Variants in SYT6 observed in about 807,000 individuals in gnomAD.
SYT6 encodes synaptotagmin 6.
A neutral mutation model predicts 38.4 loss-of-function variants in SYT6; 24 were observed. The observed-to-expected ratio is 0.62, with a 90% CI of 0.45 to 0.88. The LOEUF (loss-of-function observed/expected upper bound fraction) is 0.88. Ranked by LOEUF, SYT6 falls within the 40% of genes least tolerant of loss-of-function variation. SYT6 has a pLI of 0.00. For missense variants in SYT6, 611 were observed against 621.0 expected, an observed-to-expected ratio of 0.98 and a Z score of 0.17; for synonymous variants, 265 against 241.9, an observed-to-expected ratio of 1.10 and a Z score of -0.89.
chr1:114,117,408 C>T (rs531024703), intron 3 of SYT6, among the ~76,000 whole-genome samples: 24 of 152,342 alleles, frequency 1.6e-4, no homozygotes, highest in Non-Finnish European at 2.6e-4. Context: ...GTGCAGTCCC[C>T]ACTGCCTGCC....
At chr1:114,130,496 C>T (rs985118199) in intron 3 of SYT6, among the ~76,000 whole-genome samples, 1 of 152,150 alleles carries the variant, frequency 6.6e-6, no homozygotes, top group Non-Finnish European at 1.5e-5. Context: ...TGGCTGTGGG[C>T]GTTCCCCAAA....
intron 3 of SYT6, among the ~76,000 whole-genome samples, chr1:114,113,702 T>C (rs577571363): frequency 6.6e-6 from 1 of 152,130 alleles, no homozygotes; most frequent in Non-Finnish European, 1.5e-5. Flanking sequence ...CCATCTCCAG[T>C]GCCACACGGA....
At chr1:114,132,928 A>T (rs1276708275) in intron 3 of SYT6, among the ~76,000 whole-genome samples, 1 of 152,220 alleles carries the variant, frequency 6.6e-6, no homozygotes, top group African/African-American at 2.4e-5. Context: ...AAAGCTAGAA[A>T]GTAAGGAAGC....
At chr1:114,132,230 G>A (rs1678201537) in intron 3 of SYT6, among the ~76,000 whole-genome samples, 1 of 152,234 alleles carries the variant, frequency 6.6e-6, no homozygotes, top group African/African-American at 2.4e-5. Context: ...AGATGGAAGG[G>A]AGGGAGCTGA....
intron 3 of SYT6, among the ~76,000 whole-genome samples, chr1:114,130,859 C>G (rs1000645285): frequency 6.6e-6 from 1 of 152,182 alleles, no homozygotes; most frequent in Admixed American, 6.5e-5. Context: ...ATGGACACTT[C>G]GAAGGCGTTG....
chr1:114,145,665 T>C (rs556260351), intron 1 of SYT6, among the ~76,000 whole-genome samples: 134 of 152,324 alleles, frequency 8.8e-4, no homozygotes, highest in African/African-American at 3.1e-3. Flanking sequence ...CCTTCACATC[T>C]GTTCTCTGTT....
At chr1:114,139,397 C>T (rs1041620291) in intron 2 of SYT6, among the ~76,000 whole-genome samples, 3 of 152,214 alleles carry the variant, frequency 2.0e-5, no homozygotes, top group African/African-American at 4.8e-5. Context: ...ACCACATATA[C>T]AGCAACCCGC....
intron 3 of SYT6, among the ~76,000 whole-genome samples, chr1:114,107,225 G>A (rs1388250732): frequency 4.6e-5 from 7 of 152,186 alleles, no homozygotes; most frequent in Non-Finnish European, 8.8e-5. Flanking sequence ...GGGGTCCCTC[G>A]GGGTAAACAG....
At chr1:114,126,842 G>A (rs928959302) in intron 3 of SYT6, among the ~76,000 whole-genome samples, 1 of 152,224 alleles carries the variant, frequency 6.6e-6, no homozygotes, top group East Asian at 1.9e-4. Flanking sequence ...CAGGGCTGCG[G>A]TCTGGTTGCC....
intron 3 of SYT6, among the ~76,000 whole-genome samples, chr1:114,114,968 C>T (rs1022449335): frequency 6.6e-6 from 1 of 152,206 alleles, no homozygotes; most frequent in Non-Finnish European, 1.5e-5. Flanking sequence ...CCACATGGCA[C>T]ACTGGGTATA....
At chr1:114,112,137 TC>T (rs1676723220) in intron 3 of SYT6, among the ~76,000 whole-genome samples, 1 of 152,276 alleles carries the variant, frequency 6.6e-6, no homozygotes, top group African/African-American at 2.4e-5. Context: ...GAATAAATGA[TC>T]AACCAGAATT....
chr1:114,101,060 A>ATT (rs146708184), intron 4 of SYT6, among the ~76,000 whole-genome samples: 3 of 150,938 alleles, frequency 2.0e-5, no homozygotes, highest in African/African-American at 7.3e-5. Flanking sequence ...AGGCATATCC[A>ATT]TTTTTTTTTA....
At chr1:114,146,848 C>T (rs1679181537) in intron 1 of SYT6, among the ~76,000 whole-genome samples, 1 of 152,210 alleles carries the variant, frequency 6.6e-6, no homozygotes, top group East Asian at 1.9e-4. Context: ...TCAGTTTCCT[C>T]ATCTATAAAT....
At chr1:114,104,832 T>C (rs2629815) in intron 3 of SYT6, among the ~76,000 whole-genome samples, 65,001 of 151,914 alleles carry the variant, frequency 0.43, 14,174 homozygotes, top group African/African-American at 0.47. Flanking sequence ...TTAAAAAAAA[T>C]TCCACCTTTT....
chr1:114,139,825 G>A lies in SYT6; in HGVS notation c.302C>T (p.Pro101Leu), dbSNP rs1678754657. ...KEASSPSSAN[P>L]PLEALQSPSF... is the part of the protein sequence containing the mutation. ...GGGGCTCTGGAGGGCTTCCAAGGGGGGATTAGCAGAAGAGGGACTGGAGGC... is the reference window on the plus strand; with the variant it reads ...GGGGCTCTGGAGGGCTTCCAAGGGGAGATTAGCAGAAGAGGGACTGGAGGC... Residue 101 changes from proline to leucine, a missense_variant, in exon 2 of 8, where the codon CCC becomes CTC. Coordinates refer to ENST00000610222, the MANE Select transcript of SYT6 (RefSeq NM_001253772.2). 1 of 1,601,374 alleles carries A rather than the reference G, an allele frequency of 6.2e-7. No homozygotes were observed. The highest frequency in any genetic ancestry group is 2.2e-5 in the East Asian group (1 of 44,736).
intron 3 of SYT6, among the ~76,000 whole-genome samples, chr1:114,129,824 G>T (rs1416142123): frequency 7.0e-6 from 1 of 143,786 alleles, no homozygotes; most frequent in African/African-American, 2.6e-5. Context: ...TTACAGGCAT[G>T]CACCACCACA....
rs774979194 is a variant in SYT6 at position 114,137,480 on chromosome 1, C to T, written c.1071+15G>A. ...CACAAATCCTCAAGAAGCCAAGGAA[C>T]AGGGCTGTACTTACACTTGTGGCAT... On this transcript the variant is annotated intron_variant, in intron 3 of 7. Coordinates refer to ENST00000610222, the MANE Select transcript of SYT6 (RefSeq NM_001253772.2). 2.7e-5 allele frequency: 44 copies of T among 1,603,450 alleles called. 1 individual carries two copies. The South Asian group carries it at 4.1e-4, about 15-fold the overall frequency.
chr1:114,145,610 C>T (rs919828249), intron 1 of SYT6, among the ~76,000 whole-genome samples: 1 of 151,288 alleles, frequency 6.6e-6, no homozygotes, highest in African/African-American at 2.4e-5. Flanking sequence ...GGGAAGTCAC[C>T]ACAGCTATAT....
chr1:114,117,103 A>G (rs1677040713), intron 3 of SYT6, among the ~76,000 whole-genome samples: 1 of 152,234 alleles, frequency 6.6e-6, no homozygotes, highest in Admixed American at 6.5e-5. Flanking sequence ...GGAGTTGGGC[A>G]CAGAACCTGG....
Sources: allele counts gnomAD v4.1 joint callset (sites outside exome capture counted in the v4.1 genomes callset), GRCh38; gene constraint gnomAD v4.1.1; transcripts MANE v1.5; gene names NCBI Gene and HGNC (gene_info 2026-07-23, HGNC 2026-07-21).